The following RCBTB1 variants were observed in gnomAD, a reference collection of about 807,000 sequenced individuals.
RCBTB1 encodes RCC1 and BTB domain-containing protein 1.
In RCBTB1, 46 loss-of-function variants were observed where a neutral mutation model predicts 62.4. The observed-to-expected ratio is 0.74, with a 90% confidence interval of 0.58 to 0.94. The LOEUF (loss-of-function observed/expected upper bound fraction) is 0.94. Among genes scored for constraint, RCBTB1 ranks in the 40% least tolerant of loss-of-function variants. RCBTB1 has a pLI of 0.00. For missense variants in RCBTB1, 565 were observed against 654.9 expected (o/e 0.86, Z 1.50); for synonymous variants, 222 against 245.8 (o/e 0.90, Z 0.91).
At chr13:49,583,585 C>T (rs573499785) in intron 1 of RCBTB1, among the ~76,000 whole-genome samples, 124 of 151,934 alleles carry the variant, frequency 8.2e-4, no homozygotes, top group Middle Eastern at 3.4e-3. Context: ...CTCACTGTGT[C>T]GCCCAGGCTG....
chr13:49,564,293 G>C (rs1962717183), intron 4 of RCBTB1, among the ~76,000 whole-genome samples: 1 of 152,142 alleles, frequency 6.6e-6, no homozygotes, highest in Admixed American at 6.6e-5. Context: ...TCTATGTTTA[G>C]AAAAATGTAC....
chr13:49,548,535 T>A, intron 9 of RCBTB1, among the ~76,000 whole-genome samples: 1 of 149,686 alleles, frequency 6.7e-6, no homozygotes, highest in Non-Finnish European at 1.5e-5. Flanking sequence ...CCCACGAGAG[T>A]CAAAGGTGGG....
At chr13:49,575,413 A>G (rs540195836) in intron 2 of RCBTB1, among the ~76,000 whole-genome samples, 67 of 145,466 alleles carry the variant, frequency 4.6e-4, no homozygotes, top group African/African-American at 1.7e-3. Flanking sequence ...TATACATCCA[A>G]AGGAAAATAA....
chr13:49,547,465 G>A (rs1466296757), intron 9 of RCBTB1, among the ~76,000 whole-genome samples: 1 of 152,242 alleles, frequency 6.6e-6, no homozygotes, highest in East Asian at 1.9e-4. Flanking sequence ...TATTCCCTCT[G>A]CTTATAAATA....
At chr13:49,553,439 G>T (rs1479644204) in intron 6 of RCBTB1, among the ~76,000 whole-genome samples, 1 of 152,088 alleles carries the variant, frequency 6.6e-6, no homozygotes, top group East Asian at 1.9e-4. Flanking sequence ...TCATGAGAGG[G>T]AAAGCAGAGG....
At chr13:49,551,086 G>A (rs1240637455) in intron 8 of RCBTB1, 1 of 466,936 alleles carries the variant, frequency 2.1e-6, no homozygotes. Context: ...CTGGGTGACA[G>A]AGACTCTGTC....
chr13:49,550,455 G>C (rs1169483617), intron 8 of RCBTB1: 5 of 982,364 alleles, frequency 5.1e-6, no homozygotes, highest in Non-Finnish European at 6.0e-6. Flanking sequence ...CTCATAATCA[G>C]AAGTCAGCAC....
At position 49,532,075 on chromosome 13, in the gene RCBTB1, T is replaced by C. The variant is rs1387022067; in HGVS notation, c.*2047A>G. 1 of 152,638 alleles carries C rather than the reference T, an allele frequency of 6.6e-6. No homozygotes were observed. The highest frequency in any genetic ancestry group is 1.5e-5 in the Non-Finnish European group (1 of 68,040). 9.5% of individuals were successfully genotyped at this position (152,638 alleles called of 1,614,324 possible). ...GTACATTTAGGGCTATCTTAAGAAA[T>C]ATGAATACTTTGGCTTCCATTATTA... is the stretch of plus-strand genomic sequence containing the variant. On this transcript the variant is annotated 3_prime_UTR_variant, in exon 13 of 13. Coordinates refer to ENST00000378302, the MANE Select transcript of RCBTB1 (RefSeq NM_018191.4).
intron 4 of RCBTB1, among the ~76,000 whole-genome samples, chr13:49,565,526 T>C (rs1243750639): frequency 7.3e-6 from 1 of 137,764 alleles, no homozygotes; most frequent in Non-Finnish European, 1.6e-5. Context: ...GTCTGGGAAG[T>C]GAGGAGCGCC....
chr13:49,559,655 CAAAAAAA>C (rs11458278), intron 5 of RCBTB1, among the ~76,000 whole-genome samples: 1 of 103,942 alleles, frequency 9.6e-6, no homozygotes, highest in Admixed American at 1.1e-4. Flanking sequence ...GACTCCATCT[CAAAAAAA>C]AAAAAAAAAA....
chr13:49,555,645 CCA>C lies in RCBTB1; in HGVS notation c.471_472del (p.Cys157TrpfsTer24). ...TGCTGTAGAACCTGATCCCACTTGGCCACAGTTGTTATAACCCCAAGCAAACA... is the reference window on the plus strand; with the variant it reads ...TGCTGTAGAACCTGATCCCACTTGGCCAGTTGTTATAACCCCAAGCAAACA... On this transcript the variant is annotated frameshift_variant, in exon 6 of 13. Transcript: ENST00000378302. LOFTEE classifies it high-confidence loss of function. The C allele has an allele frequency of 1.2e-6, 2 of 1,607,798 alleles. No homozygotes were observed. The highest frequency in any genetic ancestry group is 1.7e-6 in the Non-Finnish European group (2 of 1,176,774).
At chr13:49,544,225 T>C (rs982985597) in intron 10 of RCBTB1, among the ~76,000 whole-genome samples, 5 of 152,172 alleles carry the variant, frequency 3.3e-5, no homozygotes, top group African/African-American at 9.7e-5. Flanking sequence ...ATGCCAGCAC[T>C]TTGGGAGGCT....
Position 49,544,769 on chromosome 13 carries a change from A to G in RCBTB1, c.1140T>C (p.Tyr380=), listed in dbSNP as rs373270376. 9 of 1,612,244 alleles carry G rather than the reference A, an allele frequency of 5.6e-6. No individual in the cohort carries two copies. The African/African-American group carries it at 1.1e-4, about 19-fold the overall frequency. Residue 380 remains tyrosine (Y), a synonymous_variant, in exon 10 of 13, where the codon TAT becomes TAC. Coordinates refer to ENST00000378302, the MANE Select transcript of RCBTB1 (RefSeq NM_018191.4). Reference sequence around the variant, plus strand: ...TCAAAACAGCTTTATGGACATGAATATATTTTCCATCAATTCGAAACTTCA... The same window carrying G: ...TCAAAACAGCTTTATGGACATGAATGTATTTTCCATCAATTCGAAACTTCA... ...ADLKFRIDGK[Y]IHVHKAVLKI... is the part of the protein sequence containing the mutation.
In RCBTB1 at chr13:49,547,115, A is replaced by G. The variant is rs1418032441; in HGVS notation, c.1046-2252T>C. 2.3e-6 allele frequency: 3 copies of G among 1,285,650 alleles called. 1 individual carries two copies. Among genetic ancestry groups the G allele is most frequent in the Non-Finnish European group, 1.0e-6 (1 of 986,804 alleles). The allele number at this position is 1,285,650 out of a possible 1,614,324, so 79.6% of individuals were successfully genotyped here. On this transcript the variant is annotated intron_variant, in intron 9 of 12. Coordinates refer to ENST00000378302, the MANE Select transcript of RCBTB1 (RefSeq NM_018191.4). ...TCAGCTGGGTATGCCATACATGTGC[A>G]ATTCTGGCCAAATAGTCCCATTCAG...
chr13:49,568,191 C>T (rs552812777), intron 2 of RCBTB1, among the ~76,000 whole-genome samples: 3 of 152,220 alleles, frequency 2.0e-5, no homozygotes, highest in South Asian at 4.2e-4. Context: ...AACAGTACAT[C>T]GGGGAAATCA....
chr13:49,541,750 G>A lies in RCBTB1; in HGVS notation c.1250C>T (p.Ser417Phe). 1 of 1,614,136 alleles carries A rather than the reference G, an allele frequency of 6.2e-7. No homozygotes were observed. Among genetic ancestry groups the A allele is most frequent in the South Asian group, 1.1e-5 (1 of 91,078 alleles). ...GAGAAAGGCACGATACACTGGGTAA[G>A]AAAACTGATCGATTTCTATCACTTC... ...MKEVIEIDQF[S>F]YPVYRAFLQY... The change falls in exon 11 of 13, where the codon TCT (serine) becomes TTT (phenylalanine). Residue 417 changes from serine to phenylalanine, a missense_variant. Coordinates refer to ENST00000378302, the MANE Select transcript of RCBTB1 (RefSeq NM_018191.4).
At chr13:49,574,292 T>G (rs760525233) in intron 2 of RCBTB1, among the ~76,000 whole-genome samples, 21 of 150,840 alleles carry the variant, frequency 1.4e-4, no homozygotes, top group Non-Finnish European at 2.2e-4. Context: ...CTAATTTTTG[T>G]ATTTTTAGTA....
chr13:49,551,716 C>T (rs1008299829), intron 7 of RCBTB1, among the ~76,000 whole-genome samples: 7 of 152,036 alleles, frequency 4.6e-5, no homozygotes, highest in Admixed American at 1.3e-4. Flanking sequence ...CTGGCTAACA[C>T]GGTGAAACCC....
intron 10 of RCBTB1, among the ~76,000 whole-genome samples, chr13:49,543,464 A>G (rs1960547352): frequency 6.6e-6 from 1 of 152,202 alleles, no homozygotes; most frequent in Non-Finnish European, 1.5e-5. Flanking sequence ...TTTTCAATTA[A>G]TACTGTGGTT....
Sources: allele counts gnomAD v4.1 joint callset (sites outside exome capture counted in the v4.1 genomes callset), GRCh38; gene constraint gnomAD v4.1.1; transcripts MANE v1.5; gene names NCBI Gene and HGNC (gene_info 2026-07-23, HGNC 2026-07-21).